The following CNKSR2 variants were observed in gnomAD, a reference collection of about 807,000 sequenced individuals.
CNKSR2 encodes the protein CNK homolog protein 2.
In CNKSR2, 14 loss-of-function variants were observed where a neutral mutation model predicts 84.4. The observed-to-expected ratio is 0.17, with a 90% CI of 0.11 to 0.26. The LOEUF (loss-of-function observed/expected upper bound fraction) is 0.26, where lower values mean the gene tolerates loss of function less well. CNKSR2 is among the 10% of genes least tolerant of loss of function. CNKSR2 has a pLI of 1.00. For synonymous variants in CNKSR2, 275 were observed against 277.9 expected (o/e 0.99, Z 0.10); for missense variants, 485 against 771.2 (o/e 0.63, Z 4.40).
At chrX:21,391,437 A>G (rs1024206854) in intron 1 of CNKSR2, among the ~76,000 whole-genome samples, 2 of 112,138 alleles carry the variant, frequency 1.8e-5, no homozygotes, top group African/African-American at 6.5e-5. Context: ...AGGCTTAACA[A>G]CATGTGGAAG....
chrX:21,649,637 G>A (rs2092715654), intron 21 of CNKSR2, among the ~76,000 whole-genome samples: 1 of 111,713 alleles, frequency 9.0e-6, no homozygotes, highest in South Asian at 3.8e-4. Context: ...GGGAGGAGGT[G>A]GTGAGGACAG....
intron 13 of CNKSR2, among the ~76,000 whole-genome samples, chrX:21,573,424 C>T (rs748748502): frequency 1.8e-4 from 20 of 112,393 alleles, no homozygotes; most frequent in Non-Finnish European, 3.0e-4. Context: ...CCCACATTTC[C>T]CTTCTGCACT....
At chrX:21,461,384 GA>G (rs943488205) in intron 4 of CNKSR2, among the ~76,000 whole-genome samples, 4 of 111,766 alleles carry the variant, frequency 3.6e-5, no homozygotes, top group African/African-American at 1.3e-4. Context: ...CAGATTATTA[GA>G]TTTTTTTTTC....
At chrX:21,515,905 TA>T (rs2091723972) in intron 8 of CNKSR2, among the ~76,000 whole-genome samples, 1 of 112,055 alleles carries the variant, frequency 8.9e-6, no homozygotes, top group South Asian at 3.7e-4. Context: ...ATTATCTTGT[TA>T]TTTTTGTTCT....
At chrX:21,540,835 G>A (rs1321137157) in intron 11 of CNKSR2, among the ~76,000 whole-genome samples, 2 of 112,085 alleles carry the variant, frequency 1.8e-5, no homozygotes, top group African/African-American at 3.2e-5. Flanking sequence ...CTTCATATGT[G>A]CTTTCAGTTG....
At chrX:21,375,015 C>G (rs1039423749) in intron 1 of CNKSR2, 54 bp downstream of exon 1, 7 of 1,043,941 alleles carry the variant, frequency 6.7e-6, no homozygotes, top group Non-Finnish European at 9.4e-6. Flanking sequence ...GGCACCAGTG[C>G]GAGGTTAGGA....
chrX:21,381,709 AT>A (rs1481271484), intron 1 of CNKSR2, among the ~76,000 whole-genome samples: 1 of 112,242 alleles, frequency 8.9e-6, no homozygotes, highest in Non-Finnish European at 1.9e-5. Context: ...AGCACCAAGT[AT>A]GCAGGCTGCC....
intron 1 of CNKSR2, 62 bp from the exon 2 acceptor site, chrX:21,426,435 C>G (rs2090565613): frequency 6.6e-6 from 7 of 1,057,379 alleles, no homozygotes; most frequent in South Asian, 2.0e-5. Context: ...TCTAACCCAC[C>G]CTTCACATTT....
intron 6 of CNKSR2, chrX:21,492,592 A>G (rs778405799): frequency 2.1e-5 from 2 of 96,112 alleles, no homozygotes; most frequent in African/African-American, 1.2e-4. Context: ...ATTGCTAAAC[A>G]GGTATGAGAA....
At chrX:21,415,833 T>TACAC (rs559013925) in intron 1 of CNKSR2, among the ~76,000 whole-genome samples, 27 of 88,195 alleles carry the variant, frequency 3.1e-4, no homozygotes, top group South Asian at 6.1e-4. Context: ...TATACATATA[T>TACAC]ACACACACAC....
intron 1 of CNKSR2, among the ~76,000 whole-genome samples, chrX:21,404,455 A>G (rs946533183): frequency 4.5e-5 from 5 of 110,679 alleles, no homozygotes. Flanking sequence ...ATTTCTTAAA[A>G]CCTTTAGTTA....
intron 8 of CNKSR2, among the ~76,000 whole-genome samples, chrX:21,515,700 T>A (rs2091721471): frequency 8.9e-6 from 1 of 111,805 alleles, no homozygotes; most frequent in South Asian, 3.7e-4. Context: ...TTTTAAAGGA[T>A]GAAGAGTGAA....
At chrX:21,622,953 C>G in intron 20 of CNKSR2, among the ~76,000 whole-genome samples, 1 of 111,192 alleles carries the variant, frequency 9.0e-6, no homozygotes. Flanking sequence ...TTCATTAGGA[C>G]AATTTACAAT....
At chrX:21,482,911 T>C (rs757763840) in intron 5 of CNKSR2, among the ~76,000 whole-genome samples, 2 of 112,033 alleles carry the variant, frequency 1.8e-5, no homozygotes, top group Admixed American at 1.9e-4. Context: ...CTTATTGGGA[T>C]GAAGTTCACA....
intron 15 of CNKSR2, chrX:21,591,769 T>C (rs1158427521): frequency 9.0e-6 from 1 of 111,253 alleles, no homozygotes; most frequent in Middle Eastern, 4.6e-3. Flanking sequence ...TGTTTTAATA[T>C]AACAGATTTA....
At chrX:21,459,275 C>T (rs1034527210) in intron 4 of CNKSR2, among the ~76,000 whole-genome samples, 1 of 111,637 alleles carries the variant, frequency 9.0e-6, no homozygotes, top group Non-Finnish European at 1.9e-5. Flanking sequence ...TCACCCGCCT[C>T]GGCCTCCCAG....
intron 17 of CNKSR2, among the ~76,000 whole-genome samples, chrX:21,596,082 T>G (rs2092449474): frequency 8.9e-6 from 1 of 111,888 alleles, no homozygotes; most frequent in Non-Finnish European, 1.9e-5. Flanking sequence ...CAGTACATAT[T>G]ACAAATATAA....
chrX:21,525,459 C>T (rs2091826102), intron 9 of CNKSR2, among the ~76,000 whole-genome samples: 1 of 111,108 alleles, frequency 9.0e-6, no homozygotes, highest in Admixed American at 9.6e-5. Context: ...TCCCAAATTA[C>T]ATTATCATTC....
chrX:21,480,667 C>G, intron 5 of CNKSR2, among the ~76,000 whole-genome samples: 1 of 111,634 alleles, frequency 9.0e-6, no homozygotes, highest in Non-Finnish European at 1.9e-5. Flanking sequence ...GGTGGAGCCT[C>G]TTGTCCCAAC....
Sources: allele counts gnomAD v4.1 joint callset (sites outside exome capture counted in the v4.1 genomes callset), GRCh38; gene constraint gnomAD v4.1.1; transcripts MANE v1.5; gene names NCBI Gene and HGNC (gene_info 2026-07-23, HGNC 2026-07-21).